Variants in MORN4 observed in about 807,000 individuals in gnomAD.
The protein encoded by MORN4 is MORN repeat-containing protein 4.
A neutral mutation model predicts 16.4 loss-of-function variants in MORN4; 8 were observed. The observed-to-expected ratio is 0.49, with a 90% CI of 0.29 to 0.88. The LOEUF is 0.88. Among genes scored for constraint, MORN4 ranks in the 40% least tolerant of loss-of-function variants. MORN4 has a pLI of 0.09. For synonymous variants in MORN4, 53 were observed against 68.9 expected (o/e 0.77, Z 1.14); for missense variants, 159 against 182.9 (o/e 0.87, Z 0.75).
chr10:97,625,807 G>A (rs2041340799), intron 1 of MORN4, among the ~76,000 whole-genome samples: 1 of 152,054 alleles, frequency 6.6e-6, no homozygotes, highest in South Asian at 2.1e-4. Flanking sequence ...TCGCTCTGTT[G>A]CCCATGCTGG....
At chr10:97,629,568 C>T (rs2041376983) in intron 1 of MORN4, among the ~76,000 whole-genome samples, 1 of 152,100 alleles carries the variant, frequency 6.6e-6, no homozygotes, top group African/African-American at 2.4e-5. Flanking sequence ...AGTTGGCTGC[C>T]CTTACCTTTG....
chr10:97,617,657 C>T (rs931502808), intron 2 of MORN4, among the ~76,000 whole-genome samples: 1 of 152,054 alleles, frequency 6.6e-6, no homozygotes, highest in African/African-American at 2.4e-5. Flanking sequence ...GTCAAGAGAT[C>T]GAGACCAGCC....
intron 1 of MORN4, among the ~76,000 whole-genome samples, chr10:97,623,927 G>A (rs1301125894): frequency 1.3e-5 from 2 of 152,008 alleles, no homozygotes; most frequent in African/African-American, 2.4e-5. Context: ...TAGTAGAGAT[G>A]GAGTTTCACC....
intron 1 of MORN4, among the ~76,000 whole-genome samples, chr10:97,630,239 T>A (rs931924077): frequency 6.6e-6 from 1 of 152,062 alleles, no homozygotes; most frequent in Non-Finnish European, 1.5e-5. Flanking sequence ...GGCTAATTTT[T>A]TGTATTTTTA....
intron 1 of MORN4, among the ~76,000 whole-genome samples, chr10:97,626,338 C>T (rs1325449661): frequency 6.6e-6 from 1 of 151,410 alleles, no homozygotes; most frequent in East Asian, 1.9e-4. Context: ...GATCATGCCA[C>T]TGGTCTCCAG....
At chr10:97,633,775 C>T (rs553464169), upstream of MORN4, among the ~76,000 whole-genome samples, 706 of 152,352 alleles carry the variant, frequency 4.6e-3, 3 homozygotes, top group Non-Finnish European at 6.9e-3. The surrounding 1 kb of genome is among the most constrained non-coding windows in gnomAD (Gnocchi z 4.5). Context: ...ACGCGAGCGG[C>T]TCTGATCTTG....
Position 97,616,118 on chromosome 10 carries a change from G to T in MORN4, c.*145C>A. The stretch of plus-strand genomic sequence containing the variant: ...AGCACTTTTCTGTGGTCCAGTTCTG[G>T]AATGGCAGGTGACAGGGCACATACA... On this transcript the variant is annotated 3_prime_UTR_variant, in exon 5 of 5. Coordinates refer to ENST00000307450, the MANE Select transcript of MORN4 (RefSeq NM_178832.4). 1 of 776,556 alleles carries T rather than the reference G, an allele frequency of 1.3e-6. No individual in the cohort carries two copies. Among genetic ancestry groups the T allele is most frequent in the Non-Finnish European group, 1.9e-6 (1 of 518,598 alleles). 48.1% of individuals were successfully genotyped at this position (776,556 alleles called of 1,614,324 possible).
At chr10:97,626,754 A>ATTT (rs536665432) in intron 1 of MORN4, among the ~76,000 whole-genome samples, 3 of 110,984 alleles carry the variant, frequency 2.7e-5, no homozygotes, top group Admixed American at 1.0e-4. Flanking sequence ...CTGTGCCCAG[A>ATTT]TTTTTTTTTT....
intron 1 of MORN4, among the ~76,000 whole-genome samples, chr10:97,630,570 T>C (rs2041387939): frequency 6.6e-6 from 1 of 152,192 alleles, no homozygotes; most frequent in Non-Finnish European, 1.5e-5. Flanking sequence ...TGATGTCCAT[T>C]GCCAAGACCA....
chr10:97,631,198 A>G (rs11189300), intron 1 of MORN4, among the ~76,000 whole-genome samples: 3,196 of 152,284 alleles, frequency 0.021, 59 homozygotes, highest in Non-Finnish European at 0.031. Flanking sequence ...TCAGTTATCC[A>G]AATCATATTT....
chr10:97,615,736 AAAAT>A lies in MORN4; in HGVS notation c.*523_*526del, dbSNP rs2041231261. The stretch of plus-strand genomic sequence containing the variant: ...AAACTCCATCTCAAAAATAAAAAAT[AAAAT>A]AATAATAATAATAATAAAAAAATTA... On this transcript the variant is annotated 3_prime_UTR_variant, in exon 5 of 5. Coordinates refer to ENST00000307450, the MANE Select transcript of MORN4 (RefSeq NM_178832.4). The A allele has an allele frequency of 1.4e-5, 2 of 142,374 alleles. No individual in the cohort carries two copies. The highest frequency in any genetic ancestry group is 6.1e-5 in the African/African-American group (2 of 32,898). The allele number at this position is 142,374 out of a possible 1,614,324, so 8.8% of individuals were successfully genotyped here. A position where few individuals can be genotyped will look rare whatever the true frequency, so the allele number is the denominator to read the frequency against.
At position 97,633,495 on chromosome 10, in the gene MORN4, C is replaced by A. The variant is rs963959257; in HGVS notation, c.-179G>T. 3.1e-6 allele frequency: 4 copies of A among 1,289,726 alleles called. No individual in the cohort carries two copies. In the Admixed American group the frequency reaches 6.9e-5, roughly 22 times the overall value. 79.9% of individuals were successfully genotyped at this position (1,289,726 alleles called of 1,614,324 possible). On this transcript the variant is annotated 5_prime_UTR_variant, in exon 1 of 5. Transcript: ENST00000307450. This position sits in a 1 kb window ranked among gnomAD's most constrained non-coding sequence, Gnocchi z 4.5. ...ACTTGACGCCGCCATCCTGGGCGACCGCACTGGGTACAATTCCCGCTGCCC... is the reference window on the plus strand; with the variant it reads ...ACTTGACGCCGCCATCCTGGGCGACAGCACTGGGTACAATTCCCGCTGCCC...
chr10:97,632,635 T>C (rs2041406676), intron 1 of MORN4, among the ~76,000 whole-genome samples: 1 of 151,980 alleles, frequency 6.6e-6, no homozygotes, highest in Non-Finnish European at 1.5e-5. Flanking sequence ...ATATGAAGGG[T>C]TCGTTTAGGG....
chr10:97,625,011 A>G (rs1049948679), intron 1 of MORN4, among the ~76,000 whole-genome samples: 1 of 152,180 alleles, frequency 6.6e-6, no homozygotes, highest in African/African-American at 2.4e-5. Flanking sequence ...AGTGTTTTTA[A>G]AATATATTAT....
At chr10:97,625,100 G>C (rs1216307983) in intron 1 of MORN4, among the ~76,000 whole-genome samples, 2 of 152,218 alleles carry the variant, frequency 1.3e-5, no homozygotes, top group African/African-American at 4.8e-5. Context: ...CTAAGGTGCA[G>C]AGAGGATAAG....
chr10:97,619,374 A>C, intron 2 of MORN4: 1 of 584,848 alleles, frequency 1.7e-6, no homozygotes. Context: ...AAAAAAAGAA[A>C]GATATAACTC....
intron 2 of MORN4, 51 bp downstream of exon 2, chr10:97,619,536 C>T (rs763483945): frequency 6.6e-6 from 9 of 1,357,780 alleles, no homozygotes; most frequent in Admixed American, 1.7e-5. Flanking sequence ...TGTATTTGTC[C>T]TCCAGCAAAT....
At chr10:97,632,212 CTTTTTTTT>C (rs1162979185) in intron 1 of MORN4, among the ~76,000 whole-genome samples, 8 of 86,974 alleles carry the variant, frequency 9.2e-5, no homozygotes, top group Non-Finnish European at 1.5e-4. Flanking sequence ...TAATACTCCC[CTTTTTTTT>C]TTTTTTTTTT....
At chr10:97,625,716 A>G (rs2041339877) in intron 1 of MORN4, among the ~76,000 whole-genome samples, 2 of 152,028 alleles carry the variant, frequency 1.3e-5, no homozygotes, top group East Asian at 3.9e-4. Context: ...CCACCCATCC[A>G]CTCTTTATCA....
Sources: gnomAD v4.1 joint callset for allele counts (sites outside exome capture counted in the v4.1 genomes callset) on GRCh38, gnomAD v4.1.1 for gene constraint, Gnocchi (gnomAD v3.1) non-coding constraint, MANE v1.5 for transcripts, NCBI Gene and HGNC (gene_info 2026-07-23, HGNC 2026-07-21) for gene names.